Variants in EPHA6 observed in about 807,000 individuals in gnomAD.
EPHA6 encodes the protein ephrin type-A receptor 6.
A neutral mutation model predicts 112.0 loss-of-function variants in EPHA6; 50 were observed. The observed-to-expected ratio is 0.45, with a 90% CI of 0.36 to 0.56. EPHA6 has a LOEUF of 0.56. Ranked by LOEUF, EPHA6 falls within the 20% of genes least tolerant of loss-of-function variation. The pLI is 0.00. For synonymous variants in EPHA6, 529 were observed against 490.7 expected, an observed-to-expected ratio of 1.08 and a Z score of -1.03; for missense variants, 1,280 against 1,417.4, an observed-to-expected ratio of 0.90 and a Z score of 1.56.
At chr3:96,838,541 CT>C (rs1345515301) in intron 1 of EPHA6, among the ~76,000 whole-genome samples, 2 of 152,078 alleles carry the variant, frequency 1.3e-5, no homozygotes, top group Non-Finnish European at 2.9e-5. Context: ...TTCTTTTTCT[CT>C]ATAACATCAG....
At chr3:97,511,472 C>T (rs2092363726) in intron 10 of EPHA6, among the ~76,000 whole-genome samples, 2 of 152,144 alleles carry the variant, frequency 1.3e-5, no homozygotes, top group African/African-American at 4.8e-5. Flanking sequence ...AGTGAGGCAA[C>T]ACCCCACCCT....
At chr3:97,328,272 T>C (rs1446328851) in intron 5 of EPHA6, among the ~76,000 whole-genome samples, 1 of 151,820 alleles carries the variant, frequency 6.6e-6, no homozygotes, top group Non-Finnish European at 1.5e-5. Flanking sequence ...TATAAGAAAC[T>C]GTGAAACTAA....
chr3:96,894,531 G>C (rs1053488814), intron 2 of EPHA6, among the ~76,000 whole-genome samples: 1 of 152,060 alleles, frequency 6.6e-6, no homozygotes, highest in Non-Finnish European at 1.5e-5. Flanking sequence ...AGAAAACACT[G>C]TTTCAATTCT....
intron 3 of EPHA6, among the ~76,000 whole-genome samples, chr3:96,991,284 C>G (rs2107861204): frequency 6.6e-6 from 1 of 152,248 alleles, no homozygotes; most frequent in South Asian, 2.1e-4. Context: ...AATGTATTGG[C>G]TTAAAACCAC....
intron 2 of EPHA6, among the ~76,000 whole-genome samples, chr3:96,938,584 A>C (rs1265532759): frequency 1.3e-5 from 2 of 152,070 alleles, no homozygotes; most frequent in African/African-American, 4.8e-5. Context: ...TCTTTTCCTA[A>C]TTGAATACTC....
intron 6 of EPHA6, among the ~76,000 whole-genome samples, chr3:97,426,657 A>C (rs777391426): frequency 1.3e-5 from 2 of 152,206 alleles, no homozygotes; most frequent in Non-Finnish European, 2.9e-5. Context: ...TTTATGAGGA[A>C]GCCTCCAATA....
At position 97,322,320 on chromosome 3, in the gene EPHA6, G is replaced by A. The variant is rs146744736; in HGVS notation, c.1606+78033G>A. On this transcript the variant is annotated intron_variant, in intron 5 of 17. Transcript: ENST00000389672. Reference sequence around the variant, plus strand: ...AATAAAAGACAGTTAATTACATTTCGTCATTCCTATACCCACATTTCCTGT... The same window carrying A: ...AATAAAAGACAGTTAATTACATTTCATCATTCCTATACCCACATTTCCTGT... Among the ~76,000 whole-genome samples, 306 of 151,982 alleles carry A rather than the reference G, an allele frequency of 2.0e-3. 2 individuals carry two copies. Among genetic ancestry groups the A allele is most frequent in the Admixed American group, 0.014 (214 of 15,256 alleles).
At chr3:97,203,930 A>T (rs2077645403) in intron 3 of EPHA6, among the ~76,000 whole-genome samples, 1 of 152,158 alleles carries the variant, frequency 6.6e-6, no homozygotes, top group Non-Finnish European at 1.5e-5. Context: ...ACATGTATAC[A>T]TATGTAACTA....
chr3:97,450,606 A>G (rs1406415619), intron 7 of EPHA6, among the ~76,000 whole-genome samples: 1 of 152,090 alleles, frequency 6.6e-6, no homozygotes, highest in African/African-American at 2.4e-5. Flanking sequence ...TTTTAACATT[A>G]GATTTCAACT....
intron 7 of EPHA6, among the ~76,000 whole-genome samples, chr3:97,449,109 T>G (rs976102392): frequency 1.3e-5 from 2 of 152,122 alleles, no homozygotes; most frequent in African/African-American, 4.8e-5. Context: ...TTTATCTCAG[T>G]CAATAAAAAT....
intron 11 of EPHA6, among the ~76,000 whole-genome samples, chr3:97,563,056 A>G (rs1327466459): frequency 6.6e-6 from 1 of 152,208 alleles, no homozygotes. Flanking sequence ...AAACCAAAAA[A>G]AATTCATTCG....
intron 5 of EPHA6, among the ~76,000 whole-genome samples, chr3:97,293,195 C>T (rs542386555): frequency 1.3e-5 from 2 of 151,938 alleles, no homozygotes; most frequent in South Asian, 4.2e-4. Context: ...GAGAGGAGAC[C>T]CGTGATAGGT....
chr3:97,560,637 T>C (rs1253921572), intron 11 of EPHA6: 1 of 152,058 alleles, frequency 6.6e-6, no homozygotes, highest in Non-Finnish European at 1.5e-5. Flanking sequence ...AGAATATTCA[T>C]TGAGTAGATT....
chr3:96,968,608 T>TATA (rs1460765926), intron 2 of EPHA6, among the ~76,000 whole-genome samples: 1 of 151,806 alleles, frequency 6.6e-6, no homozygotes, highest in African/African-American at 2.4e-5. Context: ...ATTGGATCCA[T>TATA]ATAATGTATT....
chr3:97,031,153 C>T (rs1576354963), intron 3 of EPHA6, among the ~76,000 whole-genome samples: 1 of 152,026 alleles, frequency 6.6e-6, no homozygotes, highest in Non-Finnish European at 1.5e-5. Context: ...ATATCTACAA[C>T]TATCTGATCT....
At chr3:97,651,032 G>T (rs1232383209) in intron 14 of EPHA6, among the ~76,000 whole-genome samples, 1 of 152,004 alleles carries the variant, frequency 6.6e-6, no homozygotes, top group Non-Finnish European at 1.5e-5. Flanking sequence ...ATTTGCTATA[G>T]ATTTGTGGCA....
intron 1 of EPHA6, among the ~76,000 whole-genome samples, chr3:96,864,641 T>C (rs903649886): frequency 2.6e-5 from 4 of 151,992 alleles, no homozygotes; most frequent in Admixed American, 2.6e-4. Flanking sequence ...ATGTAGGAGT[T>C]TGTCATGATT....
intron 15 of EPHA6, among the ~76,000 whole-genome samples, chr3:97,728,839 A>G (rs1278437416): frequency 6.6e-6 from 1 of 152,154 alleles, no homozygotes; most frequent in Non-Finnish European, 1.5e-5. Context: ...ACTGTTAGCA[A>G]CAAAGATTTT....
At chr3:96,928,910 AG>A (rs1362860147) in intron 2 of EPHA6, among the ~76,000 whole-genome samples, 1 of 152,134 alleles carries the variant, frequency 6.6e-6, no homozygotes, top group Non-Finnish European at 1.5e-5. Flanking sequence ...GTTGGTTTAA[AG>A]TCTTTTGTCA....
Sources: gnomAD v4.1 joint callset for allele counts (sites outside exome capture counted in the v4.1 genomes callset) on GRCh38, gnomAD v4.1.1 for gene constraint, MANE v1.5 for transcripts, NCBI Gene and HGNC (gene_info 2026-07-23, HGNC 2026-07-21) for gene names.